MOBP: variants seen among roughly 807,000 people sequenced by gnomAD.
MOBP encodes the protein myelin associated oligodendrocyte basic protein.
Under a neutral mutation model 15.0 loss-of-function variants are expected in MOBP, and 5 were observed. That is an observed-to-expected ratio of 0.33 (90% CI 0.17 to 0.70). The LOEUF (loss-of-function observed/expected upper bound fraction) is 0.70, where lower values mean the gene tolerates loss of function less well. Ranked by LOEUF, MOBP falls within the 30% of genes least tolerant of loss-of-function variation. The probability of loss-of-function intolerance (pLI) is 0.67; values close to 1 mark genes in which losing one functional copy is unlikely to be tolerated. For missense variants in MOBP, 188 were observed against 257.8 expected, an observed-to-expected ratio of 0.73 and a Z score of 1.85; for synonymous variants, 88 against 99.0, an observed-to-expected ratio of 0.89 and a Z score of 0.66.
downstream of MOBP, among the ~76,000 whole-genome samples, chr3:39,506,451 AGGAAG>A (rs1457560265): frequency 2.0e-5 from 3 of 151,510 alleles, no homozygotes; most frequent in African/African-American, 7.4e-5. Flanking sequence ...AAGCAAGATA[AGGAAG>A]GGAAAGAGCC....
chr3:39,523,835 T>C (rs1311998206), intron 3 of MOBP, among the ~76,000 whole-genome samples: 1 of 152,230 alleles, frequency 6.6e-6, no homozygotes, highest in Non-Finnish European at 1.5e-5. Context: ...CATGGTTTTA[T>C]TTCTCACTAG....
rs1443027017 is a variant in MOBP at position 39,467,683 on chromosome 3, C to T, written c.-146C>T. On this transcript the variant is annotated 5_prime_UTR_variant, in exon 1 of 4. Transcript: ENST00000684792. ...CTGCATGCATTGAAGTAGGCTCAAA[C>T]CCTCAGGGACCTGGTATAGACGCAG... The T allele has an allele frequency of 6.6e-6, 1 of 152,198 alleles. No homozygotes were observed. The highest frequency in any genetic ancestry group is 1.9e-4 in the East Asian group (1 of 5,200). The allele number at this position is 152,198 out of a possible 1,614,324, so 9.4% of individuals were successfully genotyped here.
intron 2 of MOBP, among the ~76,000 whole-genome samples, chr3:39,499,299 A>T (rs1304271529): frequency 6.6e-6 from 1 of 152,064 alleles, no homozygotes; most frequent in Non-Finnish European, 1.5e-5. Context: ...AATGAATCTG[A>T]CCCTATAAGT....
intron 2 of MOBP, among the ~76,000 whole-genome samples, chr3:39,500,745 CG>C (rs2125654530): frequency 6.6e-6 from 1 of 152,138 alleles, no homozygotes; most frequent in South Asian, 2.1e-4. Flanking sequence ...CAAAAAGACA[CG>C]GGAGCAGGAT....
chr3:39,503,200 A>G (rs1360970012), downstream of MOBP, among the ~76,000 whole-genome samples: 2 of 152,220 alleles, frequency 1.3e-5, no homozygotes, highest in Non-Finnish European at 2.9e-5. Flanking sequence ...TGCCTCAGGG[A>G]GATAACGAAT....
intron 2 of MOBP, among the ~76,000 whole-genome samples, chr3:39,498,708 A>G (rs543254229): frequency 6.6e-6 from 1 of 152,258 alleles, no homozygotes; most frequent in South Asian, 2.1e-4. Context: ...TCTTCCAGGG[A>G]AGAGAATTAC....
chr3:39,495,750 C>CA (rs1179926622), intron 2 of MOBP, among the ~76,000 whole-genome samples: 13,492 of 59,692 alleles, frequency 0.23, 1,262 homozygotes, highest in South Asian at 0.3. Context: ...GAGACCTTGT[C>CA]AAAAAAAAAA....
chr3:39,487,109 TA>T (rs60627931), intron 2 of MOBP, among the ~76,000 whole-genome samples: 44,291 of 145,144 alleles, frequency 0.31, 8,833 homozygotes, highest in African/African-American at 0.57. Flanking sequence ...CCCAGCTAAT[TA>T]AAAAAAAAAA....
At chr3:39,503,295 TCAATCTCAGTGG>T (rs2043003627), downstream of MOBP, among the ~76,000 whole-genome samples, 1 of 152,160 alleles carries the variant, frequency 6.6e-6, no homozygotes, top group South Asian at 2.1e-4. Context: ...TCATCTGATG[TCAATCTCAGTGG>T]CAATACCATT....
At chr3:39,506,752 A>G (rs1163083484), downstream of MOBP, among the ~76,000 whole-genome samples, 1 of 152,228 alleles carries the variant, frequency 6.6e-6, no homozygotes, top group Non-Finnish European at 1.5e-5. Flanking sequence ...AAGTGCTGGC[A>G]CCTGGAAGTG....
intron 1 of MOBP, among the ~76,000 whole-genome samples, chr3:39,468,936 T>TGTG (rs747899949): frequency 3.7e-5 from 2 of 54,034 alleles, no homozygotes; most frequent in Non-Finnish European, 6.2e-5. Flanking sequence ...CATATATACA[T>TGTG]TGTGTGTATA....
intron 2 of MOBP, among the ~76,000 whole-genome samples, chr3:39,483,637 C>T (rs2042657917): frequency 6.6e-6 from 1 of 152,184 alleles, no homozygotes; most frequent in South Asian, 2.1e-4. Context: ...TGGTTGTCTT[C>T]CCCATCATTC....
At chr3:39,522,404 G>A (rs1233613092) in intron 3 of MOBP, among the ~76,000 whole-genome samples, 1 of 152,160 alleles carries the variant, frequency 6.6e-6, no homozygotes, top group Non-Finnish European at 1.5e-5. Context: ...CCTCATAAGA[G>A]CAAGAACCAT....
intron 2 of MOBP, among the ~76,000 whole-genome samples, chr3:39,500,222 T>A (rs1768242): frequency 0.28 from 42,052 of 152,140 alleles, 6,974 homozygotes; most frequent in African/African-American, 0.46. Context: ...CACTGGTGGA[T>A]AAGTTTCTTG....
downstream of MOBP, among the ~76,000 whole-genome samples, chr3:39,519,185 C>G (rs928359276): frequency 1.3e-4 from 20 of 152,170 alleles, no homozygotes; most frequent in Admixed American, 1.2e-3. Context: ...CAGATTTTTA[C>G]GTAATCTCTT....
At chr3:39,473,728 C>T (rs1291014126) in intron 1 of MOBP, among the ~76,000 whole-genome samples, 1 of 152,080 alleles carries the variant, frequency 6.6e-6, no homozygotes, top group African/African-American at 2.4e-5. Context: ...CAGCAATGCC[C>T]CAGATGCCAG....
At chr3:39,501,413 T>G (rs568748244) in intron 2 of MOBP, among the ~76,000 whole-genome samples, 2 of 152,356 alleles carry the variant, frequency 1.3e-5, no homozygotes, top group Admixed American at 1.3e-4. Context: ...AGGACTGTTT[T>G]CAGTCTCCAG....
chr3:39,468,029 C>T (rs967333466), intron 1 of MOBP, among the ~76,000 whole-genome samples: 2 of 151,930 alleles, frequency 1.3e-5, no homozygotes, highest in Non-Finnish European at 2.9e-5. Flanking sequence ...GATTCAAAGC[C>T]CCATGTTCCT....
intron 4 of MOBP, among the ~76,000 whole-genome samples, chr3:39,509,560 TG>T (rs1234166805): frequency 1.3e-5 from 2 of 152,198 alleles, no homozygotes; most frequent in Non-Finnish European, 2.9e-5. Flanking sequence ...AAAATCGGAT[TG>T]TTTTATTATT....
Sources: allele counts gnomAD v4.1 joint callset (sites outside exome capture counted in the v4.1 genomes callset), GRCh38; gene constraint gnomAD v4.1.1; transcripts MANE v1.5; gene names NCBI Gene and HGNC (gene_info 2026-07-23, HGNC 2026-07-21).